LRRN1: variants seen among roughly 807,000 people sequenced by gnomAD.
The protein encoded by LRRN1 is leucine-rich repeat neuronal protein 1.
In LRRN1, 14 loss-of-function variants were observed where a neutral mutation model predicts 45.8. The ratio of observed to expected loss-of-function variants is 0.31; its 90% CI spans 0.20 to 0.48. The LOEUF (loss-of-function observed/expected upper bound fraction) is 0.48. LRRN1 is among the 20% of genes least tolerant of loss of function. The probability of loss-of-function intolerance (pLI) is 0.99; values close to 1 mark genes in which losing one functional copy is unlikely to be tolerated. For missense variants in LRRN1, 789 were observed against 874.2 expected, an observed-to-expected ratio of 0.90 and a Z score of 1.23; for synonymous variants, 359 against 330.1, an observed-to-expected ratio of 1.09 and a Z score of -0.95.
intron 1 of LRRN1, among the ~76,000 whole-genome samples, chr3:3,802,762 C>A (rs1268843549): frequency 2.0e-5 from 3 of 152,204 alleles, no homozygotes; most frequent in Non-Finnish European, 2.9e-5. Flanking sequence ...TGATGTCTTC[C>A]TGATAGAGTT....
chr3:3,821,040 C>G (rs1183151051), intron 1 of LRRN1, among the ~76,000 whole-genome samples: 1 of 152,194 alleles, frequency 6.6e-6, no homozygotes, highest in African/African-American at 2.4e-5. Flanking sequence ...TGACAGGACT[C>G]TGGTGCTTTA....
chr3:3,807,604 G>A (rs183923093), intron 1 of LRRN1, among the ~76,000 whole-genome samples: 16 of 152,210 alleles, frequency 1.1e-4, no homozygotes, highest in African/African-American at 3.9e-4. Flanking sequence ...ATGAGTGTAA[G>A]GTTTCCTATG....
chr3:3,846,680 T>C lies in LRRN1; in HGVS notation c.2039T>C (p.Leu680Pro). ...QKTSSIPLNE[L>P]YPPLINLWEG... ...ACCTCTTCAATCCCACTAAATGAGC[T>C]GTACCCACCACTCATTAACCTCTGG... Residue 680 changes from leucine (L) to proline (P), a missense_variant, in exon 2 of 2, where the codon CTG becomes CCG. By Grantham distance (98) the Leu-to-Pro change is moderately conservative (BLOSUM62 -3). Coordinates refer to ENST00000319331, the MANE Select transcript of LRRN1 (RefSeq NM_020873.7). The surrounding 1 kb of genome is among the most constrained non-coding windows in gnomAD (Gnocchi z 5.7). 3.7e-6 allele frequency: 6 copies of C among 1,613,958 alleles called. No individual in the cohort carries two copies. Among genetic ancestry groups the C allele is most frequent in the Non-Finnish European group, 5.1e-6 (6 of 1,179,972 alleles).
chr3:3,821,699 C>T (rs1351734002), intron 1 of LRRN1, among the ~76,000 whole-genome samples: 1 of 152,174 alleles, frequency 6.6e-6, no homozygotes, highest in East Asian at 1.9e-4. Flanking sequence ...TTGTCTCAAT[C>T]ACAAACAGTA....
intron 1 of LRRN1, among the ~76,000 whole-genome samples, chr3:3,826,516 A>G (rs912902743): frequency 8.5e-5 from 13 of 152,060 alleles, no homozygotes; most frequent in Admixed American, 2.6e-4. Flanking sequence ...GTGATGAATA[A>G]TGTGGGCTTT....
intron 1 of LRRN1, among the ~76,000 whole-genome samples, chr3:3,809,164 A>C (rs1353563962): frequency 6.6e-6 from 1 of 151,892 alleles, no homozygotes; most frequent in Non-Finnish European, 1.5e-5. Flanking sequence ...TTTCTTTAAG[A>C]TGGAGCCTTG....
chr3:3,836,183 T>C (rs570022030), intron 1 of LRRN1, among the ~76,000 whole-genome samples: 1 of 152,346 alleles, frequency 6.6e-6, no homozygotes, highest in East Asian at 1.9e-4. Context: ...TGAATTATTA[T>C]GGCTTCGCTT....
At chr3:3,815,489 G>A (rs1164057061) in intron 1 of LRRN1, among the ~76,000 whole-genome samples, 3 of 152,154 alleles carry the variant, frequency 2.0e-5, no homozygotes, top group Non-Finnish European at 2.9e-5. Context: ...CATGTTGATG[G>A]TAATATTTGT....
intron 1 of LRRN1, among the ~76,000 whole-genome samples, chr3:3,818,023 T>C (rs1693022569): frequency 6.6e-6 from 1 of 152,176 alleles, no homozygotes; most frequent in Non-Finnish European, 1.5e-5. Context: ...CAGTGACGAG[T>C]CTATTTTTTC....
At chr3:3,840,574 A>C (rs183091905) in intron 1 of LRRN1, among the ~76,000 whole-genome samples, 207 of 152,336 alleles carry the variant, frequency 1.4e-3, no homozygotes, top group Admixed American at 4.2e-3. Context: ...ATTCAGAATT[A>C]AATACAAATA....
Position 3,846,706 on chromosome 3 carries a change from G to A in LRRN1, c.2065G>A (p.Glu689Lys). The change falls in exon 2 of 2, where the codon GAA becomes AAA. Residue 689 changes from glutamate (E) to lysine (K), a missense_variant. Physicochemically the swap from Glu to Lys is moderately conservative, Grantham distance 56 (BLOSUM62 1). Coordinates refer to ENST00000319331, the MANE Select transcript of LRRN1 (RefSeq NM_020873.7). The surrounding 1 kb of genome is among the most constrained non-coding windows in gnomAD (Gnocchi z 5.7). The part of the protein sequence containing the change: ...ELYPPLINLW[E>K]GDSEKDKDGS... ...GTACCCACCACTCATTAACCTCTGG[G>A]AAGGTGACAGCGAGAAAGACAAAGA... is the stretch of plus-strand genomic sequence containing the variant. 6.2e-7 allele frequency: 1 copy of A among 1,613,992 alleles called. No individual in the cohort carries two copies.
chr3:3,838,996 A>G (rs1693586038), intron 1 of LRRN1, among the ~76,000 whole-genome samples: 1 of 152,032 alleles, frequency 6.6e-6, no homozygotes, highest in Non-Finnish European at 1.5e-5. Flanking sequence ...TGATGCACAG[A>G]CCTTAAGTTT....
chr3:3,820,666 C>T (rs1463166748), intron 1 of LRRN1, among the ~76,000 whole-genome samples: 1 of 152,198 alleles, frequency 6.6e-6, no homozygotes, highest in African/African-American at 2.4e-5. Context: ...CTGTTTCAGA[C>T]AGGCTTTGTT....
chr3:3,835,150 G>T (rs992997059), intron 1 of LRRN1, among the ~76,000 whole-genome samples: 21 of 152,242 alleles, frequency 1.4e-4, no homozygotes, highest in African/African-American at 5.1e-4. Context: ...TTATGATAGG[G>T]TTACGTCCTG....
Position 3,846,274 on chromosome 3 carries a change from G to A in LRRN1, c.1633G>A (p.Val545Ile). The A allele has an allele frequency of 1.2e-6, 2 of 1,614,054 alleles. No individual in the cohort carries two copies. Among genetic ancestry groups the A allele is most frequent in the Non-Finnish European group, 1.7e-6 (2 of 1,180,028 alleles). Reference sequence around the variant, plus strand: ...CCATTCCATCTTAGTGTCCTGGAAAGTTAATTCCAATGTCATGACGTCAAA... The same window carrying A: ...CCATTCCATCTTAGTGTCCTGGAAAATTAATTCCAATGTCATGACGTCAAA... ...ESHSILVSWK[V>I]NSNVMTSNLK... is the part of the protein sequence containing the mutation. The change falls in exon 2 of 2, where the codon GTT becomes ATT. Residue 545 changes from valine (V) to isoleucine (I), a missense_variant. By Grantham distance (29) the Val-to-Ile change is conservative. Transcript: ENST00000319331. The surrounding 1 kb of genome is among the most constrained non-coding windows in gnomAD (Gnocchi z 5.7).
Position 3,799,460 on chromosome 3 carries a change from C to A in LRRN1, c.-738C>A, listed in dbSNP as rs1041886185. 15 of 151,876 alleles carry A rather than the reference C, an allele frequency of 9.9e-5. No homozygotes were observed. The highest frequency in any genetic ancestry group is 2.1e-4 in the Non-Finnish European group (14 of 67,928). 9.4% of individuals were successfully genotyped at this position (151,876 alleles called of 1,614,324 possible). A position where few individuals can be genotyped will look rare whatever the true frequency, so the allele number is the denominator to read the frequency against. The stretch of plus-strand genomic sequence containing the variant: ...ACAAAGCGGGGCGCACCGCGGGCGC[C>A]GGCAACGAGCCGGTGAACGAGGCGA... On this transcript the variant is annotated 5_prime_UTR_variant, in exon 1 of 2. Transcript: ENST00000319331.
intron 1 of LRRN1, among the ~76,000 whole-genome samples, chr3:3,824,386 A>G (rs773320973): frequency 2.0e-5 from 3 of 152,138 alleles, no homozygotes; most frequent in Non-Finnish European, 4.4e-5. Context: ...TTACAGGCAC[A>G]TGTTCTATCA....
intron 1 of LRRN1, chr3:3,822,720 A>G (rs1693129873): frequency 6.6e-6 from 1 of 152,152 alleles, no homozygotes; most frequent in Admixed American, 6.6e-5. Flanking sequence ...TAAATGTGTG[A>G]CTTTTTTTCT....
chr3:3,825,849 C>T (rs1295702390), intron 1 of LRRN1, among the ~76,000 whole-genome samples: 4 of 152,136 alleles, frequency 2.6e-5, no homozygotes, highest in African/African-American at 7.2e-5. Flanking sequence ...TAGATTTTCA[C>T]GTATGGAGTA....
Sources: gnomAD v4.1 joint callset for allele counts (sites outside exome capture counted in the v4.1 genomes callset) on GRCh38, gnomAD v4.1.1 for gene constraint, Gnocchi (gnomAD v3.1) non-coding constraint, MANE v1.5 for transcripts, NCBI Gene and HGNC (gene_info 2026-07-23, HGNC 2026-07-21) for gene names.